Variants in PLEKHA5 observed in about 807,000 individuals in gnomAD.
PLEKHA5 encodes the protein pleckstrin homology domain-containing family A member 5.
PLEKHA5 carries 55 observed loss-of-function variants against 181.9 expected under a neutral mutation model. The ratio of observed to expected loss-of-function variants is 0.30; its 90% CI spans 0.24 to 0.38. The LOEUF (loss-of-function observed/expected upper bound fraction) is 0.38. PLEKHA5 is among the 10% of genes least tolerant of loss of function. The pLI, the probability that PLEKHA5 is intolerant of heterozygous loss-of-function variation, is 1.00. For synonymous variants in PLEKHA5, 535 were observed against 529.4 expected (o/e 1.01, Z -0.15); for missense variants, 1,432 against 1,549.5 (o/e 0.92, Z 1.27).
At chr12:19,303,997 G>A (rs1015232885) in intron 15 of PLEKHA5, among the ~76,000 whole-genome samples, 2 of 151,572 alleles carry the variant, frequency 1.3e-5, no homozygotes, top group Non-Finnish European at 2.9e-5. Flanking sequence ...TTGTAGAGGG[G>A]GGGGTTTCAC....
intron 3 of PLEKHA5, among the ~76,000 whole-genome samples, chr12:19,197,708 GTGTGTGTGTGTGTGTGTGTGTGTGTT>G (rs1179609503): frequency 6.7e-5 from 10 of 148,742 alleles, no homozygotes; most frequent in African/African-American, 2.3e-4. Context: ...GTGTGTGTGT[GTGTGTGTGTGTGTGTGTGTGTGTGTT>G]TAAGTCGCCT....
chr12:19,169,830 G>A (rs991620156), intron 3 of PLEKHA5, among the ~76,000 whole-genome samples: 1 of 152,168 alleles, frequency 6.6e-6, no homozygotes, highest in Non-Finnish European at 1.5e-5. Context: ...GGCCATTACC[G>A]ATAACTTGCA....
chr12:19,263,864 C>T (rs141699073), intron 7 of PLEKHA5, among the ~76,000 whole-genome samples: 133 of 152,270 alleles, frequency 8.7e-4, no homozygotes, highest in Non-Finnish European at 1.7e-3. Context: ...AGAAAGGCCT[C>T]GGCTGACCCC....
At chr12:19,345,685 C>T (rs983492570) in intron 22 of PLEKHA5, among the ~76,000 whole-genome samples, 157 bp from the exon 23 acceptor site, 5 of 152,050 alleles carry the variant, frequency 3.3e-5, no homozygotes, top group Non-Finnish European at 7.4e-5. Flanking sequence ...ATTGCTTGAA[C>T]CCAGGAGGCG....
At chr12:19,374,144 G>A (rs988093370) in intron 31 of PLEKHA5, among the ~76,000 whole-genome samples, 3 of 152,064 alleles carry the variant, frequency 2.0e-5, no homozygotes, top group Non-Finnish European at 2.9e-5. Context: ...ATGACACTAC[G>A]ATGTAGGCAG....
intron 3 of PLEKHA5, among the ~76,000 whole-genome samples, chr12:19,158,308 G>C (rs753299314): frequency 1.3e-5 from 2 of 151,728 alleles, no homozygotes; most frequent in Non-Finnish European, 2.9e-5. Flanking sequence ...AGCCGAGATC[G>C]CACCACTGCA....
At chr12:19,147,862 G>C (rs1000560763) in intron 3 of PLEKHA5, among the ~76,000 whole-genome samples, 1 of 151,960 alleles carries the variant, frequency 6.6e-6, no homozygotes, top group Non-Finnish European at 1.5e-5. Context: ...TCAGCCTCCC[G>C]AGTAGCTGGG....
chr12:19,195,814 A>G (rs555088222), intron 3 of PLEKHA5, among the ~76,000 whole-genome samples: 2 of 152,062 alleles, frequency 1.3e-5, no homozygotes, highest in Non-Finnish European at 2.9e-5. Context: ...TATGTATATC[A>G]TAGATATCTT....
chr12:19,281,074 G>A (rs914726569), intron 11 of PLEKHA5, among the ~76,000 whole-genome samples: 2 of 151,688 alleles, frequency 1.3e-5, no homozygotes, highest in African/African-American at 2.4e-5. Context: ...TTACGTTTGG[G>A]AAAAATAAAA....
chr12:19,249,261 G>T (rs745537396), intron 3 of PLEKHA5, among the ~76,000 whole-genome samples: 10 of 152,128 alleles, frequency 6.6e-5, no homozygotes, highest in African/African-American at 2.4e-4. Flanking sequence ...TACTTTAGGG[G>T]GTGGGGTGGG....
intron 3 of PLEKHA5, among the ~76,000 whole-genome samples, chr12:19,166,845 A>T (rs554356984): frequency 2.2e-3 from 328 of 152,166 alleles, no homozygotes; most frequent in Non-Finnish European, 3.3e-3. Flanking sequence ...AATCTTTGTG[A>T]CTCCTATTAA....
intron 3 of PLEKHA5, among the ~76,000 whole-genome samples, chr12:19,168,061 A>C (rs187018560): frequency 6.6e-6 from 1 of 152,142 alleles, no homozygotes; most frequent in Non-Finnish European, 1.5e-5. Flanking sequence ...GAGAGCTTCT[A>C]TTTGTTCCTA....
In PLEKHA5 at chr12:19,340,811, ACTGCGGAAGGCCGCAGGGTCCT is replaced by A. The variant is rs570609292; in HGVS notation, c.2551-2507_2551-2486del. Among the ~76,000 whole-genome samples, 382 of 151,010 alleles carry A rather than the reference ACTGCGGAAGGCCGCAGGGTCCT, an allele frequency of 2.5e-3. 1 individual carries two copies. Among genetic ancestry groups the A allele is most frequent in the African/African-American group, 8.7e-3 (360 of 41,200 alleles). On this transcript the variant is annotated intron_variant, in intron 21 of 31. Transcript: ENST00000429027. ...ATCTCAAGTACCCAGGGACTCAAAC[ACTGCGGAAGGCCGCAGGGTCCT>A]CTGCCTAGGAAAACCAGAGACCTTT...
chr12:19,266,533 T>A (rs2070471635), intron 8 of PLEKHA5, among the ~76,000 whole-genome samples: 1 of 151,964 alleles, frequency 6.6e-6, no homozygotes, highest in Non-Finnish European at 1.5e-5. Context: ...CCTGTTATCC[T>A]AGCACTTCAG....
chr12:19,143,698 T>A (rs1290742143), intron 3 of PLEKHA5, among the ~76,000 whole-genome samples: 1 of 152,148 alleles, frequency 6.6e-6, no homozygotes, highest in East Asian at 1.9e-4. Context: ...TGACAGTTAA[T>A]ATGTATATAT....
intron 3 of PLEKHA5, among the ~76,000 whole-genome samples, chr12:19,241,173 A>G (rs1216883172): frequency 6.6e-6 from 1 of 152,228 alleles, no homozygotes. Flanking sequence ...TTCTACTAAC[A>G]CATTCAAGTT....
chr12:19,304,417 GACA>G lies in PLEKHA5; in HGVS notation c.2038-10392_2038-10390del, dbSNP rs2082539862. Among the ~76,000 whole-genome samples, 3 of 152,254 alleles carry G rather than the reference GACA, an allele frequency of 2.0e-5. No homozygotes were observed. The South Asian group carries it at 6.2e-4, about 32-fold the overall frequency. ...TAAAATCTCTTAATGCTATATCTTA[GACA>G]ACAAGAAAATATTTTAATCTAGATC... On this transcript the variant is annotated intron_variant, in intron 15 of 31. Transcript: ENST00000429027.
At chr12:19,333,912 A>ATTTTTTTTTTT (rs2093107504) in intron 20 of PLEKHA5, among the ~76,000 whole-genome samples, 1 of 152,002 alleles carries the variant, frequency 6.6e-6, no homozygotes, top group South Asian at 2.1e-4. Context: ...CCTGGCCTTC[A>ATTTTTTTTTTT]TTTATTCTTT....
chr12:19,327,309 A>G (rs893707748), intron 20 of PLEKHA5, among the ~76,000 whole-genome samples: 2 of 142,040 alleles, frequency 1.4e-5, no homozygotes, highest in Non-Finnish European at 3.0e-5. Flanking sequence ...ATGGTATCTC[A>G]TTGTGATTTT....
Sources: allele counts gnomAD v4.1 joint callset (sites outside exome capture counted in the v4.1 genomes callset), GRCh38; gene constraint gnomAD v4.1.1; transcripts MANE v1.5; gene names NCBI Gene and HGNC (gene_info 2026-07-23, HGNC 2026-07-21).